Variants in AKNA observed in about 807,000 individuals in gnomAD.
AKNA encodes the protein microtubule organization protein AKNA.
AKNA carries 67 observed loss-of-function variants against 138.8 expected under a neutral mutation model. The ratio of observed to expected loss-of-function variants is 0.48; its 90% CI spans 0.40 to 0.59. AKNA has a LOEUF of 0.59. Ranked by LOEUF, AKNA falls within the 20% of genes least tolerant of loss-of-function variation. The pLI is 0.00. For missense variants in AKNA, 1,813 were observed against 1,880.4 expected (o/e 0.96, Z 0.66); for synonymous variants, 737 against 754.4 (o/e 0.98, Z 0.38).
At chr9:114,343,397 G>A (rs535767130) in intron 19 of AKNA, among the ~76,000 whole-genome samples, 3 of 152,148 alleles carry the variant, frequency 2.0e-5, no homozygotes, top group African/African-American at 7.2e-5. Context: ...TTGGGGGAAA[G>A]TATGAGGGGT....
Position 114,337,012 on chromosome 9 carries a change from T to TGGGGGGGGGGGGGG in AKNA, c.*41_*42insCCCCCCCCCCCCCC. On this transcript the variant is annotated 3_prime_UTR_variant, in exon 22 of 22. Transcript: ENST00000374088. ...CCCACTCCTGGCCTGGCAGGCCACC[T>TGGGGGGGGGGGGGG]GCCCACCCACCCACCCATCTGCCTC... The TGGGGGGGGGGGGGG allele has an allele frequency of 4.5e-4, 546 of 1,208,028 alleles. No individual in the cohort carries two copies. The highest frequency in any genetic ancestry group is 6.2e-4 in the East Asian group (20 of 32,118). The allele number at this position is 1,208,028 out of a possible 1,614,324, so 74.8% of individuals were successfully genotyped here. A position where few individuals can be genotyped will look rare whatever the true frequency, so the allele number is the denominator to read the frequency against.
intron 5 of AKNA, chr9:114,368,164 G>T (rs1832508386): frequency 5.6e-6 from 2 of 358,248 alleles, no homozygotes; most frequent in East Asian, 8.3e-5. Flanking sequence ...TGAGATATGG[G>T]CTCCCCAGGG....
rs534406439 is a variant in AKNA at position 114,393,253 on chromosome 9, T to G, written c.-114+1104A>C. ...TTTTTGGAGATGGAGTCTCGCTCTGTTGCCCAGGCTGGAGGGCAGTGGCGC... is the reference window on the plus strand; with the variant it reads ...TTTTTGGAGATGGAGTCTCGCTCTGGTGCCCAGGCTGGAGGGCAGTGGCGC... On this transcript the variant is annotated intron_variant, in intron 1 of 21. Coordinates refer to the AKNA transcript ENST00000307564. Among the ~76,000 whole-genome samples the G allele has an allele frequency of 4.0e-5, 6 of 151,068 alleles. No individual in the cohort carries two copies. In the East Asian group the frequency reaches 1.2e-3, roughly 29 times the overall value.
At chr9:114,371,113 T>C (rs1832742089) in intron 4 of AKNA, among the ~76,000 whole-genome samples, 2 of 151,974 alleles carry the variant, frequency 1.3e-5, no homozygotes, top group Admixed American at 1.3e-4. Flanking sequence ...CAGTGACTCC[T>C]GACCAGTCCT....
intron 21 of AKNA, among the ~76,000 whole-genome samples, chr9:114,339,438 T>C (rs1436363816): frequency 6.6e-6 from 1 of 152,246 alleles, no homozygotes; most frequent in East Asian, 1.9e-4. Flanking sequence ...AACTTCTATG[T>C]ACTATGGGCT....
intron 4 of AKNA, 70 bp downstream of exon 4, chr9:114,374,023 T>C (rs950269847): frequency 2.0e-6 from 3 of 1,497,980 alleles, no homozygotes; most frequent in Non-Finnish European, 2.7e-6. Flanking sequence ...GGCCTTTCTC[T>C]AGGACTATGG....
chr9:114,340,793 A>C (rs1159764346), intron 21 of AKNA, among the ~76,000 whole-genome samples: 1 of 152,098 alleles, frequency 6.6e-6, no homozygotes, highest in Non-Finnish European at 1.5e-5. Flanking sequence ...ATCTGTGCAA[A>C]AAGTCCTACA....
At chr9:114,378,000 A>G (rs964688333) in intron 2 of AKNA, among the ~76,000 whole-genome samples, 4 of 152,104 alleles carry the variant, frequency 2.6e-5, no homozygotes, top group Non-Finnish European at 5.9e-5. Flanking sequence ...GTAGCCACCT[A>G]ACCATCTCCT....
Position 114,358,090 on chromosome 9 carries a change from C to G in AKNA, c.2570G>C (p.Gly857Ala). The change falls in exon 12 of 22, where the codon GGC becomes GCC. Residue 857 changes from glycine (G) to alanine (A), a missense_variant. Gly to Ala is a moderately conservative substitution (Grantham distance 60). Transcript: ENST00000374088. Reference sequence around the variant, plus strand: ...AGGGGCTGCCTCAGCCTTGCCCAGGCCTGACATGTGCCCGTCTCTAGCCAG... The same window carrying G: ...AGGGGCTGCCTCAGCCTTGCCCAGGGCTGACATGTGCCCGTCTCTAGCCAG... Reference protein sequence around the residue: ...ASLARDGHMSGLGKAEAAPPG... With the variant: ...ASLARDGHMSALGKAEAAPPG... 6.2e-7 allele frequency: 1 copy of G among 1,614,178 alleles called. No individual in the cohort carries two copies. The highest frequency in any genetic ancestry group is 8.5e-7 in the Non-Finnish European group (1 of 1,179,994).
chr9:114,370,279 C>A (rs1338203809), intron 4 of AKNA, among the ~76,000 whole-genome samples: 3 of 152,224 alleles, frequency 2.0e-5, no homozygotes, highest in African/African-American at 4.8e-5. Flanking sequence ...TGCTCAGACT[C>A]CCCTGTGGGG....
rs750881031 is a variant in AKNA at position 114,377,342 on chromosome 9, A to G, written c.465T>C (p.His155=). The G allele has an allele frequency of 6.2e-7, 1 of 1,613,946 alleles. No homozygotes were observed. The highest frequency in any genetic ancestry group is 1.7e-5 in the Admixed American group (1 of 60,002). The change falls in exon 3 of 22, where the codon CAT becomes CAC. Residue 155 remains histidine, a synonymous_variant. Coordinates refer to ENST00000374088, the MANE Select transcript of AKNA (RefSeq NM_001317950.2). The part of the protein sequence containing the change: ...GYEAGLSLEG[H]GNTSPMALGH... ...CAAGAGCCATGGGGCTGGTGTTTCC[A>G]TGGCCTTCCAAGCTGAGACCAGCCT...
Position 114,337,302 on chromosome 9 carries a change from A to G in AKNA, c.4072T>C (p.Tyr1358His), listed in dbSNP as rs746683066. 16 of 1,496,812 alleles carry G rather than the reference A, an allele frequency of 1.1e-5. No homozygotes were observed. The South Asian group carries it at 1.9e-4, about 18-fold the overall frequency. The allele number at this position is 1,496,812 out of a possible 1,614,324, so 92.7% of individuals were successfully genotyped here. A position where few individuals can be genotyped will look rare whatever the true frequency, so the allele number is the denominator to read the frequency against. ...IMPYPPAAVY[Y>H]APAGPTSAQP... ...GCTGAGGTAGGTCCTGCAGGCGCAT[A>G]GTACCTGAGGAGAGAAGTGAGTGGG... The change falls in exon 22 of 22, where the codon TAT becomes CAT. Residue 1358 changes from tyrosine to histidine, a missense_variant. Transcript: ENST00000374088.
At position 114,355,969 on chromosome 9, in the gene AKNA, C is replaced by T; in HGVS notation, c.3014G>A (p.Arg1005Lys). Reference sequence around the variant, plus strand: ...CCGCTCCAGGCTGAAGTTGGGTGCCCTCTGCCGGAGAGGCCCACTTGGGCT... The same window carrying T: ...CCGCTCCAGGCTGAAGTTGGGTGCCTTCTGCCGGAGAGGCCCACTTGGGCT... ...LSSPSGPLRQ[R>K]APNFSLERTL... is the part of the protein sequence containing the mutation. Residue 1005 changes from arginine to lysine, a missense_variant, in exon 14 of 22, where the codon AGG (arginine) becomes AAG (lysine). By Grantham distance (26) the Arg-to-Lys change is conservative. Transcript: ENST00000374088. The T allele has an allele frequency of 2.5e-6, 4 of 1,614,222 alleles. No individual in the cohort carries two copies. The highest frequency in any genetic ancestry group is 2.5e-6 in the Non-Finnish European group (3 of 1,180,042).
intron 14 of AKNA, among the ~76,000 whole-genome samples, chr9:114,351,387 C>A (rs1564625367): frequency 1.3e-5 from 2 of 152,194 alleles, no homozygotes; most frequent in Non-Finnish European, 2.9e-5. Flanking sequence ...GGCTTCAGAG[C>A]CTCCTCTGAA....
In AKNA at chr9:114,376,952, G is replaced by A. The variant is rs1010574341; in HGVS notation, c.855C>T (p.Thr285=). The change falls in exon 3 of 22, where the codon ACC becomes ACT. Residue 285 remains threonine, a synonymous_variant. Coordinates refer to ENST00000374088, the MANE Select transcript of AKNA (RefSeq NM_001317950.2). ...CCTTGGGCTGAGGGCAGAAGAATCT[G>A]GTCGTTTCTCTCCTCCATCTATCTG... ...HATDRWRRET[T]RFFCPQPKEH... 2 of 1,614,110 alleles carry A rather than the reference G, an allele frequency of 1.2e-6. No homozygotes were observed. Among genetic ancestry groups the A allele is most frequent in the Admixed American group, 3.3e-5 (2 of 60,008 alleles).
intron 16 of AKNA, 48 bp downstream of exon 16, chr9:114,347,673 ATCT>A: frequency 1.4e-6 from 2 of 1,463,168 alleles, no homozygotes; most frequent in Non-Finnish European, 1.8e-6. Flanking sequence ...AGCCAAGACT[ATCT>A]TCTGTAGCTG....
At chr9:114,338,069 G>C (rs559618004) in intron 21 of AKNA, among the ~76,000 whole-genome samples, 2 of 152,322 alleles carry the variant, frequency 1.3e-5, no homozygotes, top group South Asian at 2.1e-4. Context: ...TAAAGGGTGT[G>C]TGTGGTGGAG....
intron 4 of AKNA, among the ~76,000 whole-genome samples, chr9:114,372,118 C>T (rs1324130409): frequency 6.6e-6 from 1 of 152,186 alleles, no homozygotes; most frequent in Non-Finnish European, 1.5e-5. Flanking sequence ...ATAGTATCAT[C>T]CTGCTTCCTT....
chr9:114,372,468 T>C (rs1832843971), intron 4 of AKNA, among the ~76,000 whole-genome samples: 1 of 152,156 alleles, frequency 6.6e-6, no homozygotes, highest in Admixed American at 6.5e-5. Context: ...ACCTTTATAA[T>C]ATTCCCTAAC....
Sources: allele counts gnomAD v4.1 joint callset (sites outside exome capture counted in the v4.1 genomes callset), GRCh38; gene constraint gnomAD v4.1.1; transcripts MANE v1.5; gene names NCBI Gene and HGNC (gene_info 2026-07-23, HGNC 2026-07-21).